SCFD2: variants seen among roughly 807,000 people sequenced by gnomAD.
SCFD2 encodes sec1 family domain-containing protein 2.
SCFD2 carries 54 observed loss-of-function variants against 58.9 expected under a neutral mutation model. The ratio of observed to expected loss-of-function variants is 0.92; its 90% CI spans 0.74 to 1.15. SCFD2 has a LOEUF of 1.15. Among genes scored for constraint, SCFD2 ranks in the 50% most tolerant of loss-of-function variants. SCFD2 has a pLI of 0.00. For missense variants in SCFD2, 805 were observed against 836.6 expected, an observed-to-expected ratio of 0.96 and a Z score of 0.47; for synonymous variants, 321 against 335.9, an observed-to-expected ratio of 0.96 and a Z score of 0.49.
intron 3 of SCFD2, among the ~76,000 whole-genome samples, chr4:53,311,301 T>C (rs1376145310): frequency 6.6e-6 from 1 of 152,168 alleles, no homozygotes; most frequent in Non-Finnish European, 1.5e-5. Flanking sequence ...TCCTTCTTTC[T>C]TCCTCCCACT....
chr4:53,109,992 G>T (rs568749359), intron 5 of SCFD2, among the ~76,000 whole-genome samples: 7 of 149,894 alleles, frequency 4.7e-5, no homozygotes, highest in Non-Finnish European at 1.5e-5. Context: ...CAAGGCTACA[G>T]TAACCAAAAC....
At chr4:53,267,193 T>C (rs529639634) in intron 4 of SCFD2, among the ~76,000 whole-genome samples, 9 of 152,138 alleles carry the variant, frequency 5.9e-5, no homozygotes, top group Non-Finnish European at 1.2e-4. Context: ...GTGGTGGAAA[T>C]GAGTCTCCCA....
intron 4 of SCFD2, among the ~76,000 whole-genome samples, chr4:53,210,363 T>A (rs1345074760): frequency 6.6e-6 from 1 of 152,094 alleles, no homozygotes; most frequent in Non-Finnish European, 1.5e-5. Context: ...GAGGGAACTT[T>A]CCAGGGGTTC....
chr4:53,116,390 G>T (rs1460077499), intron 5 of SCFD2, among the ~76,000 whole-genome samples: 2 of 152,090 alleles, frequency 1.3e-5, no homozygotes, highest in Non-Finnish European at 2.9e-5. Context: ...GGAAGAGGGG[G>T]ACATAATAAA....
At chr4:53,331,986 A>G (rs1006119226) in intron 2 of SCFD2, among the ~76,000 whole-genome samples, 4 of 152,354 alleles carry the variant, frequency 2.6e-5, no homozygotes, top group Admixed American at 2.6e-4. Flanking sequence ...CAAATAAACT[A>G]GAAAATCTAG....
At chr4:52,955,710 C>T (rs1433930760) in intron 5 of SCFD2, among the ~76,000 whole-genome samples, 4 of 152,086 alleles carry the variant, frequency 2.6e-5, no homozygotes, top group Non-Finnish European at 5.9e-5. Context: ...ATAAAAAGAC[C>T]CCAGCAGCAG....
At chr4:52,912,044 T>C (rs1719498668) in intron 6 of SCFD2, among the ~76,000 whole-genome samples, 1 of 152,180 alleles carries the variant, frequency 6.6e-6, no homozygotes, top group Admixed American at 6.5e-5. Flanking sequence ...TACCTTTCTT[T>C]TTTTTTCAAG....
At chr4:53,219,765 G>C (rs1378208485) in intron 4 of SCFD2, among the ~76,000 whole-genome samples, 5 of 152,064 alleles carry the variant, frequency 3.3e-5, no homozygotes, top group Non-Finnish European at 7.4e-5. Context: ...TTCCTATTCG[G>C]CCCTCTTGGA....
chr4:53,216,746 C>T (rs922260440), intron 4 of SCFD2, among the ~76,000 whole-genome samples: 4 of 152,142 alleles, frequency 2.6e-5, no homozygotes, highest in African/African-American at 9.7e-5. Context: ...GTTAGGGTGT[C>T]AATTTTAGAT....
chr4:52,907,584 T>A lies in SCFD2; in HGVS notation c.1715A>T (p.Tyr572Phe). The change falls in exon 7 of 9, where the codon TAT (tyrosine) becomes TTT (phenylalanine). Residue 572 changes from tyrosine to phenylalanine, a missense_variant. Coordinates refer to ENST00000401642, the MANE Select transcript of SCFD2 (RefSeq NM_152540.4). ...VPGNHTHQAS[Y>F]KPLLKQVVEE... Reference sequence around the variant, plus strand: ...CACAACTTGCTTCAACAATGGCTTATAAGATGCCTGGAAAGACAAAATACT... The same window carrying A: ...CACAACTTGCTTCAACAATGGCTTAAAAGATGCCTGGAAAGACAAAATACT... 1 of 1,614,064 alleles carries A rather than the reference T, an allele frequency of 6.2e-7. No homozygotes were observed. The highest frequency in any genetic ancestry group is 8.5e-7 in the Non-Finnish European group (1 of 1,179,948).
intron 5 of SCFD2, among the ~76,000 whole-genome samples, chr4:53,114,696 T>A (rs1032880539): frequency 6.6e-6 from 1 of 152,124 alleles, no homozygotes; most frequent in African/African-American, 2.4e-5. Flanking sequence ...CAGGAAGTTC[T>A]TCAGATTGAA....
chr4:53,170,655 C>T (rs565437076), intron 4 of SCFD2, among the ~76,000 whole-genome samples: 1 of 152,220 alleles, frequency 6.6e-6, no homozygotes, highest in South Asian at 2.1e-4. Flanking sequence ...TTAATTCTTC[C>T]AATACATGAG....
At chr4:53,094,752 G>A (rs1724569878) in intron 5 of SCFD2, among the ~76,000 whole-genome samples, 2 of 151,164 alleles carry the variant, frequency 1.3e-5, no homozygotes, top group Non-Finnish European at 2.9e-5. Context: ...TCTCCGTTCA[G>A]CAACCACCCT....
In SCFD2 at chr4:53,365,716, C is replaced by A; in HGVS notation, c.226G>T (p.Val76Leu). ...GGAKQPKAVFVLSCLLKGRTV... is the reference protein window; with the variant it reads ...GGAKQPKAVFLLSCLLKGRTV... ...CGGCCTTTCAGCAGGCAGCTCAGCA[C>A]AAACACTGCCTTGGGCTGCTTGGCT... The change falls in exon 1 of 9, where the codon GTG (valine) becomes TTG (leucine). Residue 76 changes from valine (V) to leucine (L), a missense_variant. This residue lies in a region of SCFD2 where 155 missense variants were observed against 149.7 expected (regional missense o/e 1.04). Coordinates refer to ENST00000401642, the MANE Select transcript of SCFD2 (RefSeq NM_152540.4). This position sits in a 1 kb window ranked among gnomAD's most constrained non-coding sequence, Gnocchi z 4.3. 6.2e-7 allele frequency: 1 copy of A among 1,614,192 alleles called. No homozygotes were observed.
chr4:53,145,335 G>A lies in SCFD2; in HGVS notation c.1559C>T (p.Thr520Met), dbSNP rs1402682368. The change falls in exon 5 of 9, where the codon ACG becomes ATG. Residue 520 changes from threonine to methionine, a missense_variant and splice_region_variant. Transcript: ENST00000401642. Reference protein sequence around the residue: ...SGLSPLLQKITDWDSSINLTF... With the variant: ...SGLSPLLQKIMDWDSSINLTF... The stretch of plus-strand genomic sequence containing the variant: ...CTGTATCTTTGTTAGACACTCACCC[G>A]TAATTTTTTGCAGCAAAGGTGACAA... The A allele has an allele frequency of 8.7e-6, 14 of 1,613,906 alleles. No homozygotes were observed. The highest frequency in any genetic ancestry group is 1.7e-4 in the Middle Eastern group (1 of 6,060).
chr4:52,943,453 T>G (rs191571515), intron 5 of SCFD2, among the ~76,000 whole-genome samples: 6 of 152,296 alleles, frequency 3.9e-5, no homozygotes, highest in East Asian at 3.9e-4. Flanking sequence ...TTGCTGCATC[T>G]TCACAGGGCG....
At chr4:53,110,263 A>C (rs1725130767) in intron 5 of SCFD2, among the ~76,000 whole-genome samples, 1 of 152,204 alleles carries the variant, frequency 6.6e-6, no homozygotes, top group South Asian at 2.1e-4. Context: ...AAAATATTAA[A>C]TGTAAGACCT....
intron 3 of SCFD2, among the ~76,000 whole-genome samples, chr4:53,287,902 G>T (rs1560429294): frequency 6.6e-6 from 1 of 151,852 alleles, no homozygotes; most frequent in African/African-American, 2.4e-5. Flanking sequence ...TCATAAAAAA[G>T]GACCAAACAG....
chr4:53,342,254 T>A (rs766014118), intron 2 of SCFD2, among the ~76,000 whole-genome samples: 30 of 152,158 alleles, frequency 2.0e-4, no homozygotes, highest in Non-Finnish European at 4.1e-4. Context: ...AACAAAGGGA[T>A]GCAGGAAGAT....
Sources: gnomAD v4.1 joint callset for allele counts (sites outside exome capture counted in the v4.1 genomes callset) on GRCh38, gnomAD v4.1.1 for gene constraint, gnomAD v4.1.1 regional missense constraint, Gnocchi (gnomAD v3.1) non-coding constraint, MANE v1.5 for transcripts, NCBI Gene and HGNC (gene_info 2026-07-23, HGNC 2026-07-21) for gene names.